Variants in ZC3H13 observed in about 807,000 individuals in gnomAD.
The protein encoded by ZC3H13 is zinc finger CCCH-type containing 13.
Under a neutral mutation model 204.1 loss-of-function variants are expected in ZC3H13, and 64 were observed. That is an observed-to-expected ratio of 0.31 (90% CI 0.26 to 0.39). The LOEUF is 0.39. Ranked by LOEUF, ZC3H13 falls within the 10% of genes least tolerant of loss-of-function variation. ZC3H13 has a pLI of 1.00. For missense variants in ZC3H13, 1,833 were observed against 2,082.7 expected, an observed-to-expected ratio of 0.88 and a Z score of 2.33; for synonymous variants, 667 against 693.7, an observed-to-expected ratio of 0.96 and a Z score of 0.60.
At chr13:46,034,144 C>G (rs1449912318) in intron 4 of ZC3H13, among the ~76,000 whole-genome samples, 6 of 152,036 alleles carry the variant, frequency 3.9e-5, no homozygotes, top group African/African-American at 1.4e-4. Flanking sequence ...ATGAAAAAGA[C>G]CAACAATGCC....
intron 18 of ZC3H13, among the ~76,000 whole-genome samples, chr13:45,959,227 G>A (rs1951503990): frequency 6.6e-6 from 1 of 151,714 alleles, no homozygotes; most frequent in Non-Finnish European, 1.5e-5. Flanking sequence ...ACGTTTGCTT[G>A]TTGAAAGCTT....
At position 45,991,278 on chromosome 13, in the gene ZC3H13, T is replaced by C. The variant is rs564434293; in HGVS notation, c.945-2181A>G. Among the ~76,000 whole-genome samples, 10 of 152,276 alleles carry C rather than the reference T, an allele frequency of 6.6e-5. No individual in the cohort carries two copies. In the East Asian group the frequency reaches 1.9e-3, roughly 29 times the overall value. On this transcript the variant is annotated intron_variant, in intron 8 of 18. Coordinates refer to ENST00000679008, the MANE Select transcript of ZC3H13 (RefSeq NM_001330564.2). The stretch of plus-strand genomic sequence containing the variant: ...CAAAACAGTTCACATATACTACCTT[T>C]AAAAAACACATTAGGGTCCAATCAT...
intron 12 of ZC3H13, among the ~76,000 whole-genome samples, chr13:45,971,063 T>C (rs925492165): frequency 3.7e-4 from 56 of 152,312 alleles, no homozygotes; most frequent in African/African-American, 1.3e-3. Context: ...ATAAACCCAG[T>C]GCCAAATATG....
At chr13:46,020,395 C>G in intron 5 of ZC3H13, 54 bp downstream of exon 5, 2 of 1,407,258 alleles carry the variant, frequency 1.4e-6, no homozygotes, top group Non-Finnish European at 2.0e-6. Context: ...CACGAAAACT[C>G]TAGAAAGTAA....
At chr13:46,052,325 G>C (rs80301570) in intron 1 of ZC3H13, 79 bp downstream of exon 1, 10 of 390,410 alleles carry the variant, frequency 2.6e-5, no homozygotes, top group East Asian at 7.3e-5. Flanking sequence ...AAAGACGGGG[G>C]GGGGTAACCC....
At position 46,011,920 on chromosome 13, in the gene ZC3H13, C is replaced by T. The variant is rs553151137; in HGVS notation, c.449-366G>A. 1.4e-4 allele frequency among the ~76,000 whole-genome samples: 21 copies of T among 152,192 alleles called. No homozygotes were observed. In the South Asian group the frequency reaches 3.7e-3, roughly 27 times the overall value. On this transcript the variant is annotated intron_variant, in intron 5 of 18. Coordinates refer to ENST00000679008, the MANE Select transcript of ZC3H13 (RefSeq NM_001330564.2). ...TCAATATTTCATGCTGTATACGATG[C>T]GACTCATTATCTCCTTGATTTTCCT...
intron 7 of ZC3H13, among the ~76,000 whole-genome samples, chr13:46,007,815 TTCTC>T (rs982092536): frequency 1.3e-5 from 2 of 152,170 alleles, no homozygotes; most frequent in Admixed American, 6.5e-5. Flanking sequence ...TTTTAATCTT[TTCTC>T]TCTCTCTTCA....
At chr13:45,963,423 T>C in intron 17 of ZC3H13, 1 of 992,302 alleles carries the variant, frequency 1.0e-6, no homozygotes. Context: ...TATTGGTTAA[T>C]TTGTTTTTTT....
At chr13:46,025,928 G>C (rs2138895054) in intron 4 of ZC3H13, among the ~76,000 whole-genome samples, 2 of 151,548 alleles carry the variant, frequency 1.3e-5, no homozygotes, top group South Asian at 4.2e-4. Flanking sequence ...TAGTAGAATG[G>C]TTCATTGTTG....
At position 45,965,374 on chromosome 13, in the gene ZC3H13, T is replaced by C; in HGVS notation, c.4380A>G (p.Glu1460=). ...CGTCATCACTGATTGGCTCGTATCC[T>C]TCTCCAGCACCAGAGCCTAATGAAT... ...DAHSLGSGAG[E]GYEPISDDEL... is the part of the protein sequence containing the mutation. The change falls in exon 16 of 19, where the codon GAA becomes GAG. Residue 1460 remains glutamate, a synonymous_variant. Coordinates refer to ENST00000679008, the MANE Select transcript of ZC3H13 (RefSeq NM_001330564.2). 2 of 1,613,708 alleles carry C rather than the reference T, an allele frequency of 1.2e-6. No individual in the cohort carries two copies. Among genetic ancestry groups the C allele is most frequent in the Non-Finnish European group, 1.7e-6 (2 of 1,179,754 alleles).
At chr13:46,010,079 A>G (rs1425142455) in intron 7 of ZC3H13, 1 of 235,586 alleles carries the variant, frequency 4.2e-6, no homozygotes, top group Non-Finnish European at 8.2e-6. Context: ...TAAACACCAG[A>G]TTTAAGAGAG....
intron 4 of ZC3H13, among the ~76,000 whole-genome samples, chr13:46,024,287 T>G (rs1353618990): frequency 2.0e-5 from 3 of 152,232 alleles, no homozygotes; most frequent in Non-Finnish European, 4.4e-5. Flanking sequence ...ACTATTCACA[T>G]TTCCGACCCT....
intron 5 of ZC3H13, among the ~76,000 whole-genome samples, chr13:46,013,465 C>T (rs1163423673): frequency 1.3e-5 from 2 of 150,854 alleles, no homozygotes; most frequent in Admixed American, 6.6e-5. Context: ...GTAAATATAA[C>T]TAATATAGTT....
chr13:46,050,669 G>C (rs935008290), intron 1 of ZC3H13, among the ~76,000 whole-genome samples: 3 of 152,104 alleles, frequency 2.0e-5, no homozygotes, highest in South Asian at 2.1e-4. Context: ...TTTTTAAAAA[G>C]AACTTTCTAA....
chr13:46,046,967 T>C (rs2044014663), intron 1 of ZC3H13, among the ~76,000 whole-genome samples: 1 of 152,176 alleles, frequency 6.6e-6, no homozygotes, highest in Non-Finnish European at 1.5e-5. Flanking sequence ...TGAAATCTTA[T>C]CAATCATCAA....
chr13:45,955,819 T>C lies in ZC3H13; in HGVS notation c.*1308A>G, dbSNP rs1237393600. On this transcript the variant is annotated 3_prime_UTR_variant, in exon 19 of 19. Coordinates refer to ENST00000679008, the MANE Select transcript of ZC3H13 (RefSeq NM_001330564.2). ...CATTTCCTTTGGCAGGTATCTTGTA[T>C]AAAGTAACTTTACAACATATGTTTC... The C allele has an allele frequency of 6.6e-6, 1 of 152,182 alleles. No homozygotes were observed. Among genetic ancestry groups the C allele is most frequent in the Non-Finnish European group, 1.5e-5 (1 of 68,006 alleles). The allele number at this position is 152,182 out of a possible 1,614,324, so 9.4% of individuals were successfully genotyped here.
chr13:46,038,650 A>G (rs2043363751), intron 4 of ZC3H13, among the ~76,000 whole-genome samples: 2 of 152,218 alleles, frequency 1.3e-5, no homozygotes, highest in Admixed American at 1.3e-4. Flanking sequence ...AATTCATTAC[A>G]TGAAGATCAA....
At chr13:46,005,893 G>A (rs1285851348) in intron 7 of ZC3H13, among the ~76,000 whole-genome samples, 5 of 151,930 alleles carry the variant, frequency 3.3e-5, no homozygotes, top group African/African-American at 7.2e-5. Context: ...TCAGGAGTTC[G>A]AGACCAGCAT....
At chr13:45,992,591 T>C (rs1211571033) in intron 8 of ZC3H13, among the ~76,000 whole-genome samples, 4 of 152,296 alleles carry the variant, frequency 2.6e-5, no homozygotes, top group South Asian at 4.1e-4. Flanking sequence ...CAAGGTCTGA[T>C]TTTTCACAAA....
Sources: allele counts gnomAD v4.1 joint callset (sites outside exome capture counted in the v4.1 genomes callset), GRCh38; gene constraint gnomAD v4.1.1; transcripts MANE v1.5; gene names NCBI Gene and HGNC (gene_info 2026-07-23, HGNC 2026-07-21).